The following EPB41L4A variants were observed in gnomAD, a reference collection of about 807,000 sequenced individuals.
EPB41L4A encodes band 4.1-like protein 4A.
Under a neutral mutation model 108.6 loss-of-function variants are expected in EPB41L4A, and 100 were observed. That is an observed-to-expected ratio of 0.92 (90% CI 0.78 to 1.09). The LOEUF (loss-of-function observed/expected upper bound fraction) is 1.09. Ranked by LOEUF, EPB41L4A falls within the 50% of genes least tolerant of loss-of-function variation. The pLI, the probability that EPB41L4A is intolerant of heterozygous loss-of-function variation, is 0.00. For missense variants in EPB41L4A, 1,030 were observed against 842.7 expected, an observed-to-expected ratio of 1.22 and a Z score of -2.75; for synonymous variants, 319 against 289.0, an observed-to-expected ratio of 1.10 and a Z score of -1.05.
At chr5:112,394,218 T>C (rs965921237) in intron 1 of EPB41L4A, among the ~76,000 whole-genome samples, 14 of 152,112 alleles carry the variant, frequency 9.2e-5, no homozygotes, top group African/African-American at 2.2e-4. Context: ...CTATTCAACA[T>C]AGTGTTGAAA....
At chr5:112,299,237 G>A (rs1448486134) in intron 2 of EPB41L4A, among the ~76,000 whole-genome samples, 2 of 152,126 alleles carry the variant, frequency 1.3e-5, no homozygotes, top group African/African-American at 4.8e-5. Context: ...TGTGACCATA[G>A]ATTGTCTAGT....
intron 1 of EPB41L4A, among the ~76,000 whole-genome samples, chr5:112,375,649 C>T (rs1397667952): frequency 1.3e-5 from 2 of 152,202 alleles, no homozygotes; most frequent in African/African-American, 2.4e-5. Flanking sequence ...TGCCATTATG[C>T]TCCTCAGGCC....
In EPB41L4A at chr5:112,164,965, C is replaced by G. The variant is rs1760145219; in HGVS notation, c.*25G>C. ...CCAGTGGCGCACACAACCTTCCCAC[C>G]CCTACCCTTGACCCTTCATCAGGAT... On this transcript the variant is annotated 3_prime_UTR_variant, in exon 23 of 23. Transcript: ENST00000261486. 3 of 1,598,524 alleles carry G rather than the reference C, an allele frequency of 1.9e-6. No individual in the cohort carries two copies. The highest frequency in any genetic ancestry group is 1.7e-6 in the Non-Finnish European group (2 of 1,174,476).
chr5:112,404,326 G>A (rs1761955310), intron 1 of EPB41L4A, among the ~76,000 whole-genome samples: 1 of 152,182 alleles, frequency 6.6e-6, no homozygotes, highest in African/African-American at 2.4e-5. Flanking sequence ...TGCAGATAGT[G>A]TTATTCTCAT....
chr5:112,337,742 C>G (rs1757015570), intron 1 of EPB41L4A, among the ~76,000 whole-genome samples: 1 of 152,066 alleles, frequency 6.6e-6, no homozygotes, highest in African/African-American at 2.4e-5. Flanking sequence ...CCCTATCTGA[C>G]CCATATTGTA....
intron 12 of EPB41L4A, among the ~76,000 whole-genome samples, chr5:112,216,976 AT>A (rs564536334): frequency 1.7e-3 from 250 of 147,336 alleles, no homozygotes; most frequent in Middle Eastern, 0.011. Context: ...TCATCATGGA[AT>A]TTTTTTTTTT....
intron 17 of EPB41L4A, among the ~76,000 whole-genome samples, chr5:112,191,600 T>C (rs4957636): frequency 0.76 from 115,523 of 151,730 alleles, 44,378 homozygotes; most frequent in East Asian, 1. Context: ...TCCAATGGGT[T>C]GACTTCGTGG....
intron 2 of EPB41L4A, among the ~76,000 whole-genome samples, chr5:112,306,820 C>A (rs951610544): frequency 1.4e-5 from 2 of 145,966 alleles, no homozygotes; most frequent in Admixed American, 6.7e-5. Context: ...GACTGGAAGA[C>A]CCTCTGAATT....
At chr5:112,398,581 G>A (rs1761530581) in intron 1 of EPB41L4A, among the ~76,000 whole-genome samples, 1 of 152,136 alleles carries the variant, frequency 6.6e-6, no homozygotes. Flanking sequence ...TAGAGACGGT[G>A]TTTTGTCTTG....
intron 12 of EPB41L4A, among the ~76,000 whole-genome samples, chr5:112,224,724 T>G (rs1011043527): frequency 6.6e-6 from 1 of 152,130 alleles, no homozygotes; most frequent in Non-Finnish European, 1.5e-5. Context: ...AGAGGTAATT[T>G]AAACATCCCT....
chr5:112,331,093 T>C (rs534299242), intron 1 of EPB41L4A, among the ~76,000 whole-genome samples: 1 of 152,218 alleles, frequency 6.6e-6, no homozygotes, highest in African/African-American at 2.4e-5. Context: ...CAAGCAAGCC[T>C]GAGTTCCAAT....
intron 1 of EPB41L4A, among the ~76,000 whole-genome samples, chr5:112,415,454 C>G (rs1762659848): frequency 6.6e-6 from 1 of 152,140 alleles, no homozygotes; most frequent in Non-Finnish European, 1.5e-5. Flanking sequence ...GGATTAAAAT[C>G]TTGCCAAAAT....
chr5:112,331,141 A>G (rs1380883368), intron 1 of EPB41L4A, among the ~76,000 whole-genome samples: 1 of 152,196 alleles, frequency 6.6e-6, no homozygotes, highest in Non-Finnish European at 1.5e-5. Flanking sequence ...CAAATTTGGA[A>G]AAGTTTCTTA....
intron 2 of EPB41L4A, among the ~76,000 whole-genome samples, chr5:112,286,258 G>GA (rs902545918): frequency 2.6e-4 from 39 of 149,638 alleles, no homozygotes; most frequent in African/African-American, 6.4e-4. Context: ...ATATCTACAG[G>GA]AAAAAAAAAC....
intron 15 of EPB41L4A, among the ~76,000 whole-genome samples, chr5:112,198,567 TAATA>T (rs1395001813): frequency 1.3e-5 from 2 of 152,230 alleles, no homozygotes; most frequent in African/African-American, 4.8e-5. Flanking sequence ...GCTGTTTCTT[TAATA>T]GTTTCCTCTC....
At chr5:112,369,419 A>C (rs1269239556) in intron 1 of EPB41L4A, among the ~76,000 whole-genome samples, 1 of 152,174 alleles carries the variant, frequency 6.6e-6, no homozygotes, top group Non-Finnish European at 1.5e-5. Flanking sequence ...TAGCCTAGTT[A>C]AACCCTTAAA....
chr5:112,418,501 C>T (rs184661260), intron 1 of EPB41L4A, among the ~76,000 whole-genome samples: 4 of 151,552 alleles, frequency 2.6e-5, no homozygotes, highest in African/African-American at 9.8e-5. Context: ...CCCATTAATG[C>T]GTTTCAACGA....
In EPB41L4A at chr5:112,265,021, AAAAG is replaced by A. The variant is rs772157832; in HGVS notation, c.434-9_434-6del. ...GGTCATAATCTCCAAGCTCCGCTAAAAAAGAAAGATAACATAGTTTTTTCCATTT... is the reference window on the plus strand; with the variant it reads ...GGTCATAATCTCCAAGCTCCGCTAAAAAAGATAACATAGTTTTTTCCATTT... On this transcript the variant is annotated splice_region_variant and splice_polypyrimidine_tract_variant and intron_variant, in intron 5 of 22. Transcript: ENST00000261486. 44 of 1,557,114 alleles carry A rather than the reference AAAAG, an allele frequency of 2.8e-5. No individual in the cohort carries two copies. Among genetic ancestry groups the A allele is most frequent in the Non-Finnish European group, 3.5e-5 (41 of 1,157,222 alleles).
At chr5:112,146,281 A>G (rs1421240455) in intron 12 of EPB41L4A, among the ~76,000 whole-genome samples, 1 of 152,220 alleles carries the variant, frequency 6.6e-6, no homozygotes, top group African/African-American at 2.4e-5. Flanking sequence ...TCAGAAATAT[A>G]ACTCACCCAT....
Sources: gnomAD v4.1 joint callset for allele counts (sites outside exome capture counted in the v4.1 genomes callset) on GRCh38, gnomAD v4.1.1 for gene constraint, MANE v1.5 for transcripts, NCBI Gene and HGNC (gene_info 2026-07-23, HGNC 2026-07-21) for gene names.